The following PIGL variants were observed in gnomAD, a reference collection of about 807,000 sequenced individuals.
PIGL encodes the protein N-acetylglucosaminyl-phosphatidylinositol de-N-acetylase.
A neutral mutation model predicts 31.1 loss-of-function variants in PIGL; 22 were observed. The ratio of observed to expected loss-of-function variants is 0.71; its 90% confidence interval spans 0.51 to 1.01. PIGL has a LOEUF of 1.01. Ranked by LOEUF, PIGL falls within the 50% of genes least tolerant of loss-of-function variation. The probability of loss-of-function intolerance (pLI) is 0.00; values close to 1 mark genes in which losing one functional copy is unlikely to be tolerated. For missense variants in PIGL, 302 were observed against 315.9 expected, an observed-to-expected ratio of 0.96 and a Z score of 0.33; for synonymous variants, 131 against 117.4, an observed-to-expected ratio of 1.12 and a Z score of -0.75.
chr17:16,267,928 A>C (rs568727674), intron 2 of PIGL, among the ~76,000 whole-genome samples: 2 of 151,810 alleles, frequency 1.3e-5, no homozygotes, highest in Non-Finnish European at 2.9e-5. Flanking sequence ...ACTTAACTCT[A>C]CTCCAGGCAA....
At chr17:16,233,399 A>G (rs149643940) in intron 1 of PIGL, among the ~76,000 whole-genome samples, 4 of 152,280 alleles carry the variant, frequency 2.6e-5, no homozygotes, top group Non-Finnish European at 4.4e-5. Flanking sequence ...TGGGGTGCCA[A>G]TGGGATCAAG....
At chr17:16,275,389 G>C (rs945593467) in intron 2 of PIGL, among the ~76,000 whole-genome samples, 15 of 152,106 alleles carry the variant, frequency 9.9e-5, no homozygotes, top group African/African-American at 3.4e-4. Context: ...GATTTTGGTG[G>C]GATTTTTATT....
At chr17:16,229,996 G>A (rs178786) in intron 1 of PIGL, among the ~76,000 whole-genome samples, 9,794 of 151,482 alleles carry the variant, frequency 0.065, 469 homozygotes, top group Middle Eastern at 0.12. Flanking sequence ...CGAGTAGCTG[G>A]GACTACAGGC....
intron 2 of PIGL, among the ~76,000 whole-genome samples, chr17:16,265,740 TA>T (rs887577166): frequency 1.7e-3 from 245 of 143,090 alleles, no homozygotes; most frequent in African/African-American, 3.2e-3. Flanking sequence ...GACTCCGTAT[TA>T]AAAAAAAAAA....
intron 6 of PIGL, among the ~76,000 whole-genome samples, chr17:16,319,924 T>A (rs78263388): frequency 0.057 from 8,574 of 151,744 alleles, 808 homozygotes; most frequent in African/African-American, 0.2. Context: ...GAATTATTCC[T>A]CAGTTTGTCT....
At chr17:16,320,127 G>A (rs140251593) in intron 6 of PIGL, among the ~76,000 whole-genome samples, 6 of 149,798 alleles carry the variant, frequency 4.0e-5, no homozygotes, top group Non-Finnish European at 8.9e-5. Context: ...AAAAGGGAAG[G>A]GGAAGGGGAA....
chr17:16,238,013 T>C (rs1375488649), intron 2 of PIGL, among the ~76,000 whole-genome samples: 2 of 151,694 alleles, frequency 1.3e-5, no homozygotes, highest in East Asian at 1.9e-4. Context: ...CTGGCCAACA[T>C]GGTGAAACTC....
chr17:16,318,273 T>C (rs1427950523), intron 6 of PIGL, among the ~76,000 whole-genome samples: 1 of 151,058 alleles, frequency 6.6e-6, no homozygotes, highest in Non-Finnish European at 1.5e-5. Flanking sequence ...ATCTTTCTAC[T>C]CTTTTTTTTT....
intron 2 of PIGL, among the ~76,000 whole-genome samples, chr17:16,293,028 CCTT>C (rs943207903): frequency 6.6e-6 from 1 of 152,124 alleles, no homozygotes; most frequent in African/African-American, 2.4e-5. Flanking sequence ...TGGACCCAGG[CCTT>C]GAGCTGATTA....
At chr17:16,315,369 T>C (rs920384296) in intron 4 of PIGL, among the ~76,000 whole-genome samples, 14 of 152,336 alleles carry the variant, frequency 9.2e-5, no homozygotes, top group African/African-American at 3.1e-4. Context: ...GCCCTGCCTG[T>C]CCCTCACTGC....
At chr17:16,281,090 CACATGAACAT>C (rs1039745226) in intron 2 of PIGL, among the ~76,000 whole-genome samples, 22 of 152,152 alleles carry the variant, frequency 1.4e-4, no homozygotes, top group Admixed American at 4.6e-4. Flanking sequence ...GCACTAAAAT[CACATGAACAT>C]ACATTCATTT....
intron 3 of PIGL, among the ~76,000 whole-genome samples, chr17:16,302,453 G>A (rs1301313874): frequency 1.3e-5 from 2 of 152,090 alleles, no homozygotes; most frequent in African/African-American, 4.8e-5. Context: ...AGGTTGTCAT[G>A]GCCAGCCTGA....
chr17:16,277,561 T>G (rs1296236164), intron 2 of PIGL, among the ~76,000 whole-genome samples: 1 of 152,256 alleles, frequency 6.6e-6, no homozygotes, highest in Non-Finnish European at 1.5e-5. Context: ...ATCCATGCAG[T>G]TAACTCCTGT....
chr17:16,224,759 C>T (rs2092644629), intron 1 of PIGL, among the ~76,000 whole-genome samples: 1 of 151,708 alleles, frequency 6.6e-6, no homozygotes, highest in East Asian at 2.0e-4. Flanking sequence ...CAGGTTCAAG[C>T]GATTCTCCTG....
chr17:16,313,825 G>A (rs1388425174), intron 4 of PIGL, among the ~76,000 whole-genome samples: 12 of 152,120 alleles, frequency 7.9e-5, no homozygotes, highest in Non-Finnish European at 1.6e-4. Context: ...ACGAATGCTC[G>A]TCTCCTAAAC....
intron 2 of PIGL, among the ~76,000 whole-genome samples, chr17:16,247,097 CCTT>C (rs2092751882): frequency 1.3e-5 from 2 of 152,054 alleles, no homozygotes; most frequent in African/African-American, 4.8e-5. Flanking sequence ...CTCACTCTCT[CCTT>C]CTTCCCTCCC....
chr17:16,252,133 G>A (rs1198082662), intron 2 of PIGL, among the ~76,000 whole-genome samples: 1 of 150,404 alleles, frequency 6.6e-6, no homozygotes, highest in African/African-American at 2.5e-5. Context: ...GAGTGCAGTG[G>A]TGCAATCTCG....
chr17:16,316,867 C>CCTG (rs1399854843), intron 5 of PIGL, 155 bp downstream of exon 5: 1 of 1,426,358 alleles, frequency 7.0e-7, no homozygotes, highest in East Asian at 2.5e-5. Context: ...CCTCAAGGTA[C>CCTG]CTGGCAGGTT....
intron 2 of PIGL, among the ~76,000 whole-genome samples, chr17:16,277,169 C>A (rs956099600): frequency 3.9e-5 from 6 of 152,148 alleles, no homozygotes; most frequent in Non-Finnish European, 8.8e-5. Flanking sequence ...GGCCAGTTTT[C>A]CTAAGGGGCT....
Sources: allele counts gnomAD v4.1 joint callset (sites outside exome capture counted in the v4.1 genomes callset), GRCh38; gene constraint gnomAD v4.1.1; transcripts MANE v1.5; gene names NCBI Gene and HGNC (gene_info 2026-07-23, HGNC 2026-07-21).